NRXN3: variants seen among roughly 807,000 people sequenced by gnomAD.
NRXN3 encodes the protein neurexin 3, also known as neurexin III.
NRXN3 carries 32 observed loss-of-function variants against 137.6 expected under a neutral mutation model. That is an observed-to-expected ratio of 0.23 (90% CI 0.18 to 0.31). The LOEUF (loss-of-function observed/expected upper bound fraction) is 0.31, where lower values mean the gene tolerates loss of function less well. Ranked by LOEUF, NRXN3 falls within the 10% of genes least tolerant of loss-of-function variation. The probability of loss-of-function intolerance (pLI) is 1.00; values close to 1 mark genes in which losing one functional copy is unlikely to be tolerated. For missense variants in NRXN3, 1,574 were observed against 2,062.5 expected (o/e 0.76, Z 4.59); for synonymous variants, 798 against 784.5 (o/e 1.02, Z -0.29).
intron 19 of NRXN3, among the ~76,000 whole-genome samples, chr14:79,761,427 T>C (rs2099038134): frequency 6.6e-6 from 1 of 151,678 alleles, no homozygotes; most frequent in African/African-American, 2.4e-5. Context: ...ACCTTTCTCC[T>C]TAGGCCATGG....
intron 8 of NRXN3, among the ~76,000 whole-genome samples, chr14:78,785,173 T>C (rs1023189251): frequency 7.9e-5 from 12 of 152,142 alleles, no homozygotes; most frequent in Admixed American, 2.0e-4. Context: ...AGAAGACATT[T>C]TGAGGATGGT....
At chr14:78,892,708 C>T (rs2152707641) in intron 10 of NRXN3, among the ~76,000 whole-genome samples, 1 of 151,232 alleles carries the variant, frequency 6.6e-6, no homozygotes, top group Middle Eastern at 3.4e-3. Context: ...GTTATCTCTG[C>T]TCTTTCTTGA....
chr14:79,092,031 G>A (rs756143221), intron 15 of NRXN3, among the ~76,000 whole-genome samples: 2 of 152,126 alleles, frequency 1.3e-5, no homozygotes, highest in Non-Finnish European at 2.9e-5. Context: ...TAAATTAGCT[G>A]CATATTTTTC....
At chr14:79,330,643 T>C (rs1265774023) in intron 15 of NRXN3, among the ~76,000 whole-genome samples, 1 of 152,166 alleles carries the variant, frequency 6.6e-6, no homozygotes, top group Non-Finnish European at 1.5e-5. Context: ...GTAGCCCATC[T>C]TCACAGAAAG....
In NRXN3 at chr14:78,556,212, CCAGTCTT is replaced by C. The variant is rs373659909; in HGVS notation, c.758-88905_758-88899del. On this transcript the variant is annotated intron_variant, in intron 4 of 20. Coordinates refer to ENST00000335750, the MANE Select transcript of NRXN3 (RefSeq NM_001330195.2). ...CTTCCCAGCTTCCCCCACCCCTACTCCAGTCTTCATGACATCACTAATTCATACATCT... is the reference window on the plus strand; with the variant it reads ...CTTCCCAGCTTCCCCCACCCCTACTCCATGACATCACTAATTCATACATCT... Among the ~76,000 whole-genome samples the C allele has an allele frequency of 1.0e-3, 153 of 152,338 alleles. 2 individuals carry two copies. Among genetic ancestry groups the C allele is most frequent in the African/African-American group, 2.5e-3 (105 of 41,578 alleles).
At chr14:79,069,275 C>T (rs1020203228) in intron 15 of NRXN3, among the ~76,000 whole-genome samples, 11 of 152,122 alleles carry the variant, frequency 7.2e-5, no homozygotes, top group Non-Finnish European at 1.2e-4. Flanking sequence ...CTTTGTCAAT[C>T]TCTGTAGCCT....
chr14:78,599,276 T>C (rs1601115893), intron 4 of NRXN3, among the ~76,000 whole-genome samples: 1 of 152,360 alleles, frequency 6.6e-6, no homozygotes, highest in African/African-American at 2.4e-5. Flanking sequence ...CTTTGAAACC[T>C]AGCGGCTTTC....
chr14:78,581,406 C>T (rs1250371620), intron 4 of NRXN3, among the ~76,000 whole-genome samples: 3 of 152,174 alleles, frequency 2.0e-5, no homozygotes, highest in African/African-American at 7.2e-5. Flanking sequence ...CTACTTCCTC[C>T]TAAGGGGAGG....
intron 4 of NRXN3, among the ~76,000 whole-genome samples, chr14:78,450,401 G>C (rs2094523338): frequency 6.6e-6 from 1 of 152,198 alleles, no homozygotes; most frequent in South Asian, 2.1e-4. Context: ...GCCACATTGT[G>C]TTAAATGGGA....
At chr14:78,585,474 T>C (rs1191513189) in intron 4 of NRXN3, among the ~76,000 whole-genome samples, 1 of 152,074 alleles carries the variant, frequency 6.6e-6, no homozygotes, top group Non-Finnish European at 1.5e-5. Context: ...CTGTTAAAAG[T>C]TGATCACTCC....
intron 19 of NRXN3, among the ~76,000 whole-genome samples, chr14:79,758,778 G>T (rs2099028634): frequency 6.6e-6 from 1 of 152,106 alleles, no homozygotes; most frequent in Non-Finnish European, 1.5e-5. Flanking sequence ...ACTCAGCATT[G>T]CAAGAAACCT....
intron 10 of NRXN3, among the ~76,000 whole-genome samples, chr14:78,856,952 C>G (rs2099059044): frequency 6.6e-6 from 1 of 152,106 alleles, no homozygotes; most frequent in Non-Finnish European, 1.5e-5. Context: ...AGGCTGGCCT[C>G]AAACTCCTCA....
At chr14:78,561,007 A>ACTG (rs2096781267) in intron 4 of NRXN3, among the ~76,000 whole-genome samples, 1 of 152,198 alleles carries the variant, frequency 6.6e-6, no homozygotes, top group Non-Finnish European at 1.5e-5. Context: ...GCAGTAATAC[A>ACTG]TTACTTCCCA....
intron 16 of NRXN3, among the ~76,000 whole-genome samples, chr14:79,591,327 A>G (rs902411973): frequency 2.6e-5 from 4 of 152,224 alleles, no homozygotes; most frequent in African/African-American, 9.6e-5. Context: ...GATTGTCACT[A>G]GCTCACTCTG....
chr14:78,417,258 A>G (rs1442404284), intron 4 of NRXN3, among the ~76,000 whole-genome samples: 2 of 152,136 alleles, frequency 1.3e-5, no homozygotes, highest in Non-Finnish European at 2.9e-5. Context: ...TGAACTTTCC[A>G]TGCTACCTAC....
At chr14:79,606,144 G>C (rs149001555) in intron 16 of NRXN3, among the ~76,000 whole-genome samples, 3 of 152,116 alleles carry the variant, frequency 2.0e-5, no homozygotes, top group African/African-American at 7.2e-5. Context: ...TGTTACCTCC[G>C]GATAAATCTT....
At chr14:79,708,259 A>G (rs2098789152) in intron 19 of NRXN3, among the ~76,000 whole-genome samples, 3 of 151,306 alleles carry the variant, frequency 2.0e-5, no homozygotes, top group Admixed American at 6.6e-5. Flanking sequence ...CTTACATTGT[A>G]CTAGACATTG....
intron 15 of NRXN3, among the ~76,000 whole-genome samples, chr14:79,144,789 A>G (rs1355288403): frequency 4.0e-5 from 6 of 151,582 alleles, no homozygotes; most frequent in Admixed American, 3.3e-4. Context: ...CCCTCTTTAT[A>G]TCTCTCCATC....
chr14:78,306,513 G>A (rs1056564108), intron 4 of NRXN3, among the ~76,000 whole-genome samples: 2 of 152,128 alleles, frequency 1.3e-5, no homozygotes, highest in Admixed American at 1.3e-4. Context: ...GTAGTCTGAT[G>A]GAAAGATACT....
Sources: gnomAD v4.1 joint callset for allele counts (sites outside exome capture counted in the v4.1 genomes callset) on GRCh38, gnomAD v4.1.1 for gene constraint, MANE v1.5 for transcripts, NCBI Gene and HGNC (gene_info 2026-07-23, HGNC 2026-07-21) for gene names.